CHRM3: variants seen among roughly 807,000 people sequenced by gnomAD.
CHRM3 encodes the protein muscarinic acetylcholine receptor M3.
In CHRM3, 11 loss-of-function variants were observed where a neutral mutation model predicts 41.8. That is an observed-to-expected ratio of 0.26 (90% CI 0.17 to 0.44). The LOEUF (loss-of-function observed/expected upper bound fraction) is 0.44. Among genes scored for constraint, CHRM3 ranks in the 20% least tolerant of loss-of-function variants. The probability of loss-of-function intolerance (pLI) is 1.00; values close to 1 mark genes in which losing one functional copy is unlikely to be tolerated. For synonymous variants in CHRM3, 297 were observed against 301.4 expected, an observed-to-expected ratio of 0.99 and a Z score of 0.15; for missense variants, 571 against 745.4, an observed-to-expected ratio of 0.77 and a Z score of 2.72.
At chr1:239,701,919 T>G (rs886923664) in intron 5 of CHRM3, among the ~76,000 whole-genome samples, 1 of 152,206 alleles carries the variant, frequency 6.6e-6, no homozygotes, top group Admixed American at 6.5e-5. Context: ...TCAACCTCTT[T>G]TCTCCATGTA....
intron 5 of CHRM3, among the ~76,000 whole-genome samples, chr1:239,822,925 C>A (rs1297424153): frequency 6.6e-6 from 1 of 152,136 alleles, no homozygotes; most frequent in Admixed American, 6.6e-5. Context: ...CCAAATCCAG[C>A]ACTTGTAATT....
chr1:239,558,393 A>T (rs1367918310), intron 3 of CHRM3, among the ~76,000 whole-genome samples: 2 of 152,150 alleles, frequency 1.3e-5, no homozygotes, highest in Non-Finnish European at 2.9e-5. Flanking sequence ...AGATGGATAG[A>T]TTGCAAAAAG....
At chr1:239,485,282 A>G (rs1286974582) in intron 1 of CHRM3, among the ~76,000 whole-genome samples, 1 of 152,100 alleles carries the variant, frequency 6.6e-6, no homozygotes, top group Non-Finnish European at 1.5e-5. Flanking sequence ...TGAACAGGGT[A>G]TAATACTGGC....
chr1:239,450,004 CT>C (rs1201297571), intron 1 of CHRM3, among the ~76,000 whole-genome samples: 1 of 152,168 alleles, frequency 6.6e-6, no homozygotes, highest in Non-Finnish European at 1.5e-5. Flanking sequence ...ACACCACTGC[CT>C]TAAGCATCTC....
intron 5 of CHRM3, among the ~76,000 whole-genome samples, chr1:239,765,068 G>A (rs1165554945): frequency 6.6e-6 from 1 of 152,204 alleles, no homozygotes; most frequent in Admixed American, 6.5e-5. Context: ...AAAATGAAAG[G>A]AGCCTCAGGG....
chr1:239,768,592 G>A (rs547951013), intron 5 of CHRM3, among the ~76,000 whole-genome samples: 1 of 152,194 alleles, frequency 6.6e-6, no homozygotes, highest in African/African-American at 2.4e-5. Context: ...GTAGTGATTT[G>A]GAATTCTCCT....
In CHRM3 at chr1:239,910,571, C is replaced by T. The variant is rs1219115520; in HGVS notation, c.*1347C>T. 6.3e-6 allele frequency: 1 copy of T among 159,468 alleles called. No individual in the cohort carries two copies. The highest frequency in any genetic ancestry group is 1.5e-5 in the Non-Finnish European group (1 of 66,928). The allele number at this position is 159,468 out of a possible 1,614,324, so 9.9% of individuals were successfully genotyped here. On this transcript the variant is annotated 3_prime_UTR_variant, in exon 7 of 7. Transcript: ENST00000676153. ...GAAAAGTAATGCTTCAAATTGATTT[C>T]CTTACCTTTTGGGAAAAAAAAAAAA...
At chr1:239,630,716 A>T (rs951794871) in intron 3 of CHRM3, among the ~76,000 whole-genome samples, 4 of 152,168 alleles carry the variant, frequency 2.6e-5, no homozygotes, top group African/African-American at 9.7e-5. Flanking sequence ...ATGTGCTGCT[A>T]TGTAAGAGAG....
At chr1:239,872,572 C>T (rs1474239527) in intron 6 of CHRM3, among the ~76,000 whole-genome samples, 1 of 152,184 alleles carries the variant, frequency 6.6e-6, no homozygotes, top group Admixed American at 6.5e-5. Context: ...CAGGATACAA[C>T]ACAAATCCTT....
intron 1 of CHRM3, among the ~76,000 whole-genome samples, chr1:239,446,171 G>A (rs530068783): frequency 1.2e-4 from 19 of 152,190 alleles, no homozygotes; most frequent in African/African-American, 2.4e-4. Context: ...TCCTGACCTC[G>A]TGATCCGCCC....
intron 5 of CHRM3, among the ~76,000 whole-genome samples, chr1:239,772,798 A>G (rs929626652): frequency 2.6e-5 from 4 of 151,832 alleles, no homozygotes; most frequent in African/African-American, 9.7e-5. Context: ...TCTTACCCAT[A>G]CCTCACTGCC....
chr1:239,677,873 A>G (rs1382953218), intron 4 of CHRM3, among the ~76,000 whole-genome samples: 1 of 152,162 alleles, frequency 6.6e-6, no homozygotes, highest in Non-Finnish European at 1.5e-5. Flanking sequence ...ACTGCCAATT[A>G]TTGGAAGTTT....
intron 3 of CHRM3, among the ~76,000 whole-genome samples, chr1:239,604,941 T>A (rs1054058925): frequency 3.3e-5 from 5 of 152,204 alleles, no homozygotes; most frequent in Admixed American, 6.5e-5. Context: ...TTCATTTGTT[T>A]TATTTTTATT....
rs1223722248 is a variant in CHRM3, at chr1:239,387,505, G to A, written c.-521+278G>A. On this transcript the variant is annotated intron_variant, in intron 1 of 6. Transcript: ENST00000676153. The surrounding 1 kb of genome is among the most constrained non-coding windows in gnomAD (Gnocchi z 5.1). ...ACGCCCGCTGGCACTCAAGTGCCCC[G>A]AAAGGGACGGGAATCATGCGAGCGG... Among the ~76,000 whole-genome samples the A allele has an allele frequency of 6.6e-6, 1 of 151,966 alleles. No individual in the cohort carries two copies. Among genetic ancestry groups the A allele is most frequent in the Non-Finnish European group, 1.5e-5 (1 of 67,996 alleles).
intron 4 of CHRM3, among the ~76,000 whole-genome samples, chr1:239,665,628 A>G (rs1673713464): frequency 6.6e-6 from 1 of 152,084 alleles, no homozygotes; most frequent in South Asian, 2.1e-4. Context: ...CCATCAACCC[A>G]TCATCTACAT....
intron 1 of CHRM3, chr1:239,408,305 C>G (rs1380624640): frequency 6.6e-6 from 1 of 152,060 alleles, no homozygotes. Context: ...TTAAACCTCT[C>G]TCCTTGGAGA....
Position 239,524,631 on chromosome 1 carries a change from A to G in CHRM3, c.-421-21010A>G, listed in dbSNP as rs571304200. Among the ~76,000 whole-genome samples, 50 of 152,318 alleles carry G rather than the reference A, an allele frequency of 3.3e-4. No homozygotes were observed. The Middle Eastern group carries it at 0.014, about 41-fold the overall frequency. On this transcript the variant is annotated intron_variant, in intron 2 of 6. Transcript: ENST00000676153. ...GAGCATGAAAACCAGATCCTTTTTC[A>G]TATTTAAATATTAACCAGAGTAAGC...
At chr1:239,702,245 G>T (rs1660752092) in intron 5 of CHRM3, among the ~76,000 whole-genome samples, 1 of 152,082 alleles carries the variant, frequency 6.6e-6, no homozygotes, top group Non-Finnish European at 1.5e-5. Flanking sequence ...ATAACATTTT[G>T]GGGTAATTAA....
At chr1:239,813,734 G>A (rs1179421308) in intron 5 of CHRM3, among the ~76,000 whole-genome samples, 5 of 124,286 alleles carry the variant, frequency 4.0e-5, no homozygotes, top group African/African-American at 1.0e-4. Flanking sequence ...TGGCTAACAC[G>A]GTGAAACCCC....
Sources: allele counts gnomAD v4.1 joint callset (sites outside exome capture counted in the v4.1 genomes callset), GRCh38; gene constraint gnomAD v4.1.1; non-coding constraint Gnocchi (gnomAD v3.1); transcripts MANE v1.5; gene names NCBI Gene and HGNC (gene_info 2026-07-23, HGNC 2026-07-21).